APCDD1: variants seen among roughly 807,000 people sequenced by gnomAD.
APCDD1 encodes the protein APC down-regulated 1.
APCDD1 carries 15 observed loss-of-function variants against 38.1 expected under a neutral mutation model. That is an observed-to-expected ratio of 0.39 (90% CI 0.26 to 0.61). The LOEUF is 0.61. APCDD1 is among the 20% of genes least tolerant of loss of function. The pLI is 0.49. For synonymous variants in APCDD1, 261 were observed against 279.7 expected (o/e 0.93, Z 0.67); for missense variants, 647 against 696.2 (o/e 0.93, Z 0.79).
chr18:10,471,712 A>T lies in APCDD1; in HGVS notation c.425A>T (p.Glu142Val). 1.2e-6 allele frequency: 2 copies of T among 1,614,142 alleles called. No homozygotes were observed. Among genetic ancestry groups the T allele is most frequent in the South Asian group, 2.2e-5 (2 of 91,086 alleles). Residue 142 changes from glutamate (E) to valine (V), a missense_variant, in exon 3 of 5, where the codon GAA (glutamate) becomes GTA (valine). Glu to Val is a moderately radical substitution (Grantham distance 121). Coordinates refer to ENST00000355285, the MANE Select transcript of APCDD1 (RefSeq NM_153000.5). This position sits in a 1 kb window ranked among gnomAD's most constrained non-coding sequence, Gnocchi z 5.5. Reference sequence around the variant, plus strand: ...TCCTGGATCATCCGAGGGGGCACGGAAGCCGACTACCAGCTGCACAACGTC... The same window carrying T: ...TCCTGGATCATCCGAGGGGGCACGGTAGCCGACTACCAGCTGCACAACGTC... ...QASWIIRGGT[E>V]ADYQLHNVQV...
rs898590065 is a variant in APCDD1, at chr18:10,488,152, CCTT to C, written c.*118_*120del. 3.4e-5 allele frequency: 45 copies of C among 1,306,842 alleles called. No individual in the cohort carries two copies. The South Asian group carries it at 4.0e-4, about 12-fold the overall frequency. 81.0% of individuals were successfully genotyped at this position (1,306,842 alleles called of 1,614,324 possible). The stretch of plus-strand genomic sequence containing the variant: ...ATGCACTTGAATGCCAGAGAACTGT[CCTT>C]CTTTTTCTCCTCTCCCTCCCTCCCA... On this transcript the variant is annotated 3_prime_UTR_variant, in exon 5 of 5. Transcript: ENST00000355285.
chr18:10,466,537 T>G (rs1408991406), intron 1 of APCDD1, among the ~76,000 whole-genome samples: 1 of 152,184 alleles, frequency 6.6e-6, no homozygotes, highest in Non-Finnish European at 1.5e-5. Flanking sequence ...ATGCATGTGC[T>G]TTGTAAATAG....
rs749833937 is a variant in APCDD1, at chr18:10,487,942, C to T, written c.1449C>T (p.Ser483=). 1 of 1,613,520 alleles carries T rather than the reference C, an allele frequency of 6.2e-7. No individual in the cohort carries two copies. Among genetic ancestry groups the T allele is most frequent in the Non-Finnish European group, 8.5e-7 (1 of 1,179,868 alleles). The part of the protein sequence containing the change: ...AEDLAEDSGS[S]LYGRAPGRHT... ...ACCTCGCAGAAGACAGTGGAAGCAGCCTGTATGGCCGGGCCCCTGGGAGGC... is the reference window on the plus strand; with the variant it reads ...ACCTCGCAGAAGACAGTGGAAGCAGTCTGTATGGCCGGGCCCCTGGGAGGC... The change falls in exon 5 of 5, where the codon AGC becomes AGT. Residue 483 remains serine (S), a synonymous_variant. Transcript: ENST00000355285.
Position 10,488,188 on chromosome 18 carries a change from A to G in APCDD1, c.*150A>G. On this transcript the variant is annotated 3_prime_UTR_variant, in exon 5 of 5. Transcript: ENST00000355285. ...TCCTCTCCCTCCCTCCCAGCCCCTG[A>G]GTCATGAACAGCAAGGAGTGTTTGA... 2 of 964,812 alleles carry G rather than the reference A, an allele frequency of 2.1e-6. No individual in the cohort carries two copies. Among genetic ancestry groups the G allele is most frequent in the Non-Finnish European group, 3.1e-6 (2 of 645,648 alleles). 59.8% of individuals were successfully genotyped at this position (964,812 alleles called of 1,614,324 possible).
intron 3 of APCDD1, among the ~76,000 whole-genome samples, chr18:10,479,992 C>T (rs2031097688): frequency 6.6e-6 from 1 of 152,122 alleles, no homozygotes; most frequent in Non-Finnish European, 1.5e-5. Context: ...CTTCCCCTTT[C>T]TGATGAAAGC....
chr18:10,454,804 G>T lies in APCDD1; in HGVS notation c.-178G>T. 1 of 982,624 alleles carries T rather than the reference G, an allele frequency of 1.0e-6. No homozygotes were observed. Among genetic ancestry groups the T allele is most frequent in the Non-Finnish European group, 1.2e-6 (1 of 829,754 alleles). 60.9% of individuals were successfully genotyped at this position (982,624 alleles called of 1,614,324 possible). On this transcript the variant is annotated 5_prime_UTR_variant, in exon 1 of 5. Transcript: ENST00000355285. ...CCACAGCCGCCCGACGGCGCCCAGA[G>T]AGCGCGCGCCCCGCAGCCCCGCGCC...
At chr18:10,464,129 C>T (rs995121446) in intron 1 of APCDD1, among the ~76,000 whole-genome samples, 3 of 152,086 alleles carry the variant, frequency 2.0e-5, no homozygotes, top group Admixed American at 6.5e-5. Context: ...TGGTTAAAAA[C>T]GTAACTGTAG....
intron 1 of APCDD1, among the ~76,000 whole-genome samples, chr18:10,465,144 C>T (rs2030675394): frequency 6.6e-6 from 1 of 152,064 alleles, no homozygotes; most frequent in Non-Finnish European, 1.5e-5. Context: ...TGCAAGATAC[C>T]CATCTTTTTC....
intron 3 of APCDD1, among the ~76,000 whole-genome samples, chr18:10,482,677 CAG>C (rs936555243): frequency 3.9e-5 from 6 of 152,164 alleles, no homozygotes; most frequent in African/African-American, 1.2e-4. Context: ...CAGCCAGTGT[CAG>C]AGGGGGTGTC....
At chr18:10,473,773 C>T (rs2030921596) in intron 3 of APCDD1, among the ~76,000 whole-genome samples, 1 of 152,150 alleles carries the variant, frequency 6.6e-6, no homozygotes, top group Admixed American at 6.5e-5. Context: ...TGGTTGGCAG[C>T]ACTGCCCAAA....
chr18:10,483,973 C>T (rs1345870918), intron 3 of APCDD1, among the ~76,000 whole-genome samples: 1 of 152,236 alleles, frequency 6.6e-6, no homozygotes, highest in Admixed American at 6.5e-5. Flanking sequence ...GACAGCGAGG[C>T]ACTGGCACTG....
intron 1 of APCDD1, among the ~76,000 whole-genome samples, chr18:10,458,390 T>C (rs2030436864): frequency 6.6e-6 from 1 of 152,244 alleles, no homozygotes; most frequent in South Asian, 2.1e-4. Context: ...GAAACGTTTA[T>C]ACAGGGTAAA....
Position 10,467,963 on chromosome 18 carries a change from T to C in APCDD1, c.59-506T>C, listed in dbSNP as rs778842251. 2.6e-5 allele frequency among the ~76,000 whole-genome samples: 4 copies of C among 152,222 alleles called. No homozygotes were observed. Among genetic ancestry groups the C allele is most frequent in the African/African-American group, 4.8e-5 (2 of 41,450 alleles). ...CATCACTGCCCAGGCTGCAGTTTCA[T>C]TGAGGCTGGTCTCCTTGTTCTTTCC... On this transcript the variant is annotated intron_variant, in intron 1 of 4. Coordinates refer to ENST00000355285, the MANE Select transcript of APCDD1 (RefSeq NM_153000.5). The surrounding 1 kb of genome is among the most constrained non-coding windows in gnomAD (Gnocchi z 4.8).
In APCDD1 at chr18:10,471,826, C is replaced by T; in HGVS notation, c.539C>T (p.Pro180Leu). 2 of 1,613,958 alleles carry T rather than the reference C, an allele frequency of 1.2e-6. No homozygotes were observed. Among genetic ancestry groups the T allele is most frequent in the East Asian group, 4.5e-5 (2 of 44,864 alleles). Reference sequence around the variant, plus strand: ...CCGGGCTTCCTCGCAGACGGGGGTCCCTGGGTGCAGGACGTGGCCTATGAC... The same window carrying T: ...CCGGGCTTCCTCGCAGACGGGGGTCTCTGGGTGCAGGACGTGGCCTATGAC... ...TCPGFLADGG[P>L]WVQDVAYDLW... Residue 180 changes from proline to leucine, a missense_variant, in exon 3 of 5, where the codon CCC becomes CTC. By Grantham distance (98) the Pro-to-Leu change is moderately conservative. Transcript: ENST00000355285. The surrounding 1 kb of genome is among the most constrained non-coding windows in gnomAD (Gnocchi z 5.5).
At position 10,487,829 on chromosome 18, in the gene APCDD1, G is replaced by A. The variant is rs775482025; in HGVS notation, c.1336G>A (p.Gly446Arg). 3.2e-5 allele frequency: 52 copies of A among 1,613,894 alleles called. 2 individuals carry two copies. The South Asian group carries it at 4.7e-4, about 15-fold the overall frequency. Residue 446 changes from glycine (G) to arginine (R), a missense_variant, in exon 5 of 5, where the codon GGG becomes AGG. Coordinates refer to ENST00000355285, the MANE Select transcript of APCDD1 (RefSeq NM_153000.5). ...LLFNGQRPSD[G>R]SSPDRPEKRA... ...GTTCAACGGTCAGAGGCCCAGCGAC[G>A]GGTCCAGCCCAGACAGGCCAGAGAA...
intron 1 of APCDD1, among the ~76,000 whole-genome samples, chr18:10,460,768 C>G (rs1475065047): frequency 2.0e-5 from 3 of 152,110 alleles, no homozygotes; most frequent in African/African-American, 7.2e-5. Flanking sequence ...TCTACAAAGG[C>G]TCTGTTTGGT....
rs1467545955 is a variant in APCDD1, at chr18:10,468,542, G to C, written c.132G>C (p.Trp44Cys). ...CTAGGTCCTTAGAGAAAAGTGCCTGGAGGGCTTTTAAGGAGTCACAGTGCC... is the reference window on the plus strand; with the variant it reads ...CTAGGTCCTTAGAGAAAAGTGCCTGCAGGGCTTTTAAGGAGTCACAGTGCC... ...SHPRSLEKSA[W>C]RAFKESQCHH... is the part of the protein sequence containing the mutation. Residue 44 changes from tryptophan (W) to cysteine (C), a missense_variant, in exon 2 of 5, where the codon TGG (tryptophan) becomes TGC (cysteine). By Grantham distance (215) the Trp-to-Cys change is radical. Transcript: ENST00000355285. The C allele has an allele frequency of 1.9e-6, 3 of 1,614,154 alleles. No individual in the cohort carries two copies. Among genetic ancestry groups the C allele is most frequent in the Non-Finnish European group, 2.5e-6 (3 of 1,180,028 alleles).
At position 10,485,529 on chromosome 18, in the gene APCDD1, T is replaced by C; in HGVS notation, c.842T>C (p.Leu281Pro). 6.2e-7 allele frequency: 1 copy of C among 1,614,172 alleles called. No homozygotes were observed. The highest frequency in any genetic ancestry group is 1.1e-5 in the South Asian group (1 of 91,086). The change falls in exon 4 of 5, where the codon CTG becomes CCG. Residue 281 changes from leucine to proline, a missense_variant. Coordinates refer to ENST00000355285, the MANE Select transcript of APCDD1 (RefSeq NM_153000.5). The surrounding 1 kb of genome is among the most constrained non-coding windows in gnomAD (Gnocchi z 5.8). ...TCAGACGAGCACCACCCTCCCATCCTGCCCCCAAAGGCAGACCTGACCATC... is the reference window on the plus strand; with the variant it reads ...TCAGACGAGCACCACCCTCCCATCCCGCCCCCAAAGGCAGACCTGACCATC... ...YRSDEHHPPI[L>P]PPKADLTIGL...
rs965621911 is a variant in APCDD1, at chr18:10,488,290, C to G, written c.*252C>G. The G allele has an allele frequency of 1.9e-6, 1 of 536,616 alleles. No homozygotes were observed. The highest frequency in any genetic ancestry group is 3.3e-6 in the Non-Finnish European group (1 of 303,618). The allele number at this position is 536,616 out of a possible 1,614,324, so 33.2% of individuals were successfully genotyped here. A position where few individuals can be genotyped will look rare whatever the true frequency, so the allele number is the denominator to read the frequency against. On this transcript the variant is annotated 3_prime_UTR_variant, in exon 5 of 5. Transcript: ENST00000355285. Reference sequence around the variant, plus strand: ...CAACAGTAATTGCACTTTAAGACAGCCTAGAGTTCTGGACGAGCGTGTTTG... The same window carrying G: ...CAACAGTAATTGCACTTTAAGACAGGCTAGAGTTCTGGACGAGCGTGTTTG...
Sources: allele counts gnomAD v4.1 joint callset (sites outside exome capture counted in the v4.1 genomes callset), GRCh38; gene constraint gnomAD v4.1.1; non-coding constraint Gnocchi (gnomAD v3.1); transcripts MANE v1.5; gene names NCBI Gene and HGNC (gene_info 2026-07-23, HGNC 2026-07-21).